Variants in AMPD3 observed in about 807,000 individuals in gnomAD.
The protein encoded by AMPD3 is AMP deaminase 3.
In AMPD3, 57 loss-of-function variants were observed where a neutral mutation model predicts 82.3. The observed-to-expected ratio is 0.69, with a 90% CI of 0.56 to 0.86. AMPD3 has a LOEUF of 0.86. Among genes scored for constraint, AMPD3 ranks in the 40% least tolerant of loss-of-function variants. AMPD3 has a pLI of 0.00. For synonymous variants in AMPD3, 381 were observed against 394.7 expected (o/e 0.97, Z 0.41); for missense variants, 870 against 1,003.8 (o/e 0.87, Z 1.80).
chr11:10,502,215 T>C, intron 12 of AMPD3: 1 of 985,434 alleles, frequency 1.0e-6, no homozygotes, highest in South Asian at 4.7e-5. Context: ...GGTCACATTT[T>C]TGGGTGGGGT....
chr11:10,482,370 A>G, intron 4 of AMPD3, 145 bp downstream of exon 4: 1 of 968,130 alleles, frequency 1.0e-6, no homozygotes, highest in Non-Finnish European at 1.5e-6. Flanking sequence ...CTGATGTTTG[A>G]TGGTTCCCCC....
intron 5 of AMPD3, chr11:10,486,796 G>T: frequency 1.0e-6 from 1 of 985,418 alleles, no homozygotes; most frequent in Non-Finnish European, 1.2e-6. Flanking sequence ...GCTGAGGATA[G>T]AAAAGAGGAA....
At chr11:10,490,415 A>T in intron 6 of AMPD3, 2 of 891,824 alleles carry the variant, frequency 2.2e-6, no homozygotes, top group African/African-American at 1.8e-5. Flanking sequence ...TAGTGAAAAG[A>T]GTGCTGTGTT....
At chr11:10,493,298 G>T in intron 6 of AMPD3, 51 bp from the exon 7 acceptor site, 5 of 1,606,702 alleles carry the variant, frequency 3.1e-6, no homozygotes, top group Non-Finnish European at 4.3e-6. Context: ...CTTAACTCTT[G>T]TTGCTAGGGG....
chr11:10,463,640 A>G (rs76406263), intron 2 of AMPD3, among the ~76,000 whole-genome samples: 9,221 of 152,312 alleles, frequency 0.061, 406 homozygotes, highest in South Asian at 0.21. Flanking sequence ...AGTTTCCACT[A>G]CAGAGTGACA....
At chr11:10,462,420 G>A (rs981478961) in intron 2 of AMPD3, among the ~76,000 whole-genome samples, 2 of 152,166 alleles carry the variant, frequency 1.3e-5, no homozygotes, top group African/African-American at 2.4e-5. Context: ...CTGGAGCCAA[G>A]GTGGAGTCGC....
chr11:10,491,010 G>A (rs371473307), intron 6 of AMPD3, among the ~76,000 whole-genome samples: 56 of 152,336 alleles, frequency 3.7e-4, no homozygotes, highest in African/African-American at 1.3e-3. Context: ...TGGGCTGGCT[G>A]GCATAATGCT....
In AMPD3 at chr11:10,501,601, C is replaced by G; in HGVS notation, c.1842+11C>G. 1 of 1,614,182 alleles carries G rather than the reference C, an allele frequency of 6.2e-7. No homozygotes were observed. Among genetic ancestry groups the G allele is most frequent in the Non-Finnish European group, 8.5e-7 (1 of 1,180,036 alleles). ...CTGCTCCTCAAGAAGGTAACCAGGTCACTCTCGGGAGCCCGTCCTGAGTGA... is the reference window on the plus strand; with the variant it reads ...CTGCTCCTCAAGAAGGTAACCAGGTGACTCTCGGGAGCCCGTCCTGAGTGA... On this transcript the variant is annotated intron_variant, in intron 12 of 14. Coordinates refer to ENST00000396553, the MANE Select transcript of AMPD3 (RefSeq NM_001025389.2).
intron 2 of AMPD3, among the ~76,000 whole-genome samples, chr11:10,471,304 T>G (rs2133856559): frequency 6.6e-6 from 1 of 152,196 alleles, no homozygotes; most frequent in South Asian, 2.1e-4. Context: ...ATACAAAAAT[T>G]AACTCAAGAT....
chr11:10,451,094 C>T, upstream of AMPD3: 1 of 1,549,562 alleles, frequency 6.5e-7, no homozygotes, highest in Middle Eastern at 1.7e-4. Flanking sequence ...CCCGCGGACC[C>T]TGCGGCCCAG....
chr11:10,479,518 A>G (rs1247178137), intron 3 of AMPD3, among the ~76,000 whole-genome samples: 1 of 152,218 alleles, frequency 6.6e-6, no homozygotes. Flanking sequence ...TTTTTTGGTT[A>G]TGTGTAATGG....
At position 10,496,864 on chromosome 11, in the gene AMPD3, A is replaced by G; in HGVS notation, c.1483A>G (p.Asn495Asp). ...GCCAAACTTTGGGAAGATGCTGGAG[A>G]ACATCTTCCTGCCCCTTTTCAAGGC... ...LLPNFGKMLE[N>D]IFLPLFKATI... Residue 495 changes from asparagine (N) to aspartate (D), a missense_variant, in exon 10 of 15, where the codon AAC (asparagine) becomes GAC (aspartate). Coordinates refer to ENST00000396553, the MANE Select transcript of AMPD3 (RefSeq NM_001025389.2). 1 of 1,614,126 alleles carries G rather than the reference A, an allele frequency of 6.2e-7. No homozygotes were observed. Among genetic ancestry groups the G allele is most frequent in the Non-Finnish European group, 8.5e-7 (1 of 1,180,004 alleles).
At chr11:10,499,976 C>A in intron 10 of AMPD3, 110 bp from the exon 11 acceptor site, 1 of 1,550,544 alleles carries the variant, frequency 6.4e-7, no homozygotes, top group South Asian at 1.2e-5. Context: ...AGGTGTGAAC[C>A]TGAGGGGCCC....
intron 2 of AMPD3, among the ~76,000 whole-genome samples, chr11:10,462,268 G>A (rs1314014973): frequency 1.3e-5 from 2 of 152,196 alleles, no homozygotes; most frequent in African/African-American, 2.4e-5. Context: ...TGAAGTATTA[G>A]AATTTTAATG....
chr11:10,469,765 C>T (rs577198387), intron 2 of AMPD3, among the ~76,000 whole-genome samples: 3 of 152,284 alleles, frequency 2.0e-5, no homozygotes, highest in South Asian at 2.1e-4. Flanking sequence ...TTCGGCCGGG[C>T]GCGGTGGCTC....
intron 13 of AMPD3, among the ~76,000 whole-genome samples, chr11:10,503,498 C>G (rs1312114816): frequency 1.3e-5 from 2 of 152,174 alleles, no homozygotes; most frequent in African/African-American, 4.8e-5. Context: ...CAGAGGTTCT[C>G]CAACCTCTTG....
chr11:10,458,880 A>G (rs12360830), intron 1 of AMPD3, among the ~76,000 whole-genome samples: 2,880 of 152,146 alleles, frequency 0.019, 41 homozygotes, highest in Middle Eastern at 0.054. Context: ...TGGGTTGCAT[A>G]TCTTCTTCTG....
chr11:10,497,201 A>G (rs1012317096), intron 10 of AMPD3, among the ~76,000 whole-genome samples: 3 of 152,106 alleles, frequency 2.0e-5, no homozygotes, highest in African/African-American at 7.2e-5. Flanking sequence ...CAGGGAAGGC[A>G]ACAGTGGGCA....
intron 1 of AMPD3, among the ~76,000 whole-genome samples, chr11:10,460,206 T>A (rs1848226267): frequency 6.6e-6 from 1 of 151,422 alleles, no homozygotes; most frequent in African/African-American, 2.4e-5. Flanking sequence ...CAAGAGATCC[T>A]CCTGCCTCAG....
Sources: gnomAD v4.1 joint callset for allele counts (sites outside exome capture counted in the v4.1 genomes callset) on GRCh38, gnomAD v4.1.1 for gene constraint, MANE v1.5 for transcripts, NCBI Gene and HGNC (gene_info 2026-07-23, HGNC 2026-07-21) for gene names.